RBBP6: variants seen among roughly 807,000 people sequenced by gnomAD.
RBBP6 encodes the protein E3 ubiquitin-protein ligase RBBP6.
In RBBP6, 25 loss-of-function variants were observed where a neutral mutation model predicts 167.7. The observed-to-expected ratio is 0.15, with a 90% CI of 0.11 to 0.21. RBBP6 has a LOEUF of 0.21. Ranked by LOEUF, RBBP6 falls within the 10% of genes least tolerant of loss-of-function variation. The pLI is 1.00. For missense variants in RBBP6, 1,868 were observed against 2,134.2 expected (o/e 0.88, Z 2.46); for synonymous variants, 789 against 735.8 (o/e 1.07, Z -1.17).
At chr16:24,546,136 A>C in intron 1 of RBBP6, 27 bp from the exon 2 acceptor site, 1 of 1,554,154 alleles carries the variant, frequency 6.4e-7, no homozygotes, top group South Asian at 1.2e-5. Context: ...CCCAAATGGA[A>C]ATTCAATTCT....
Position 24,572,367 on chromosome 16 carries a change from A to G in RBBP6, c.5301A>G (p.Lys1767=), listed in dbSNP as rs73560588. ...LEKSQKHKHK[K]KKSKKNKDKE... ...AAAGCCAAAAACACAAACACAAGAA[A>G]AAGAAGTCAAAGAAGAACAAAGATA... The change falls in exon 18 of 18, where the codon AAA becomes AAG. Residue 1767 remains lysine, a synonymous_variant. Transcript: ENST00000319715. The G allele has an allele frequency of 2.1e-4, 321 of 1,550,458 alleles. 1 individual carries two copies. The African/African-American group carries it at 4.0e-3, about 19-fold the overall frequency.
intron 4 of RBBP6, chr16:24,554,410 A>G (rs1441644538): frequency 1.3e-5 from 2 of 152,032 alleles, no homozygotes; most frequent in African/African-American, 2.4e-5. Context: ...TTTAGCAACC[A>G]AGATTAATGA....
rs552718319 is a variant in RBBP6, at chr16:24,571,468, A to T, written c.4402A>T (p.Thr1468Ser). ...TCGTGCTTCCTCAAATAAAGACTTC[A>T]CTCCCAATAGAGACAAAAAAACTGA... ...STRASSNKDF[T>S]PNRDKKTDYD... Residue 1468 changes from threonine (T) to serine (S), a missense_variant, in exon 18 of 18, where the codon ACT (threonine) becomes TCT (serine). By Grantham distance (58) the Thr-to-Ser change is moderately conservative. This residue lies in a region of RBBP6 where 591 missense variants were observed against 540.5 expected (regional missense o/e 1.09). Coordinates refer to ENST00000319715, the MANE Select transcript of RBBP6 (RefSeq NM_006910.5). 4 of 1,612,872 alleles carry T rather than the reference A, an allele frequency of 2.5e-6. No individual in the cohort carries two copies. The East Asian group carries it at 6.7e-5, about 27-fold the overall frequency.
intron 14 of RBBP6, among the ~76,000 whole-genome samples, chr16:24,565,758 C>T (rs1899180730): frequency 6.6e-6 from 1 of 152,174 alleles, no homozygotes; most frequent in African/African-American, 2.4e-5. Flanking sequence ...GATAAAGGAG[C>T]CTCCAAAACT....
At chr16:24,552,302 G>A (rs188528292) in intron 3 of RBBP6, among the ~76,000 whole-genome samples, 162 of 151,910 alleles carry the variant, frequency 1.1e-3, no homozygotes, top group Non-Finnish European at 8.9e-4. Context: ...GGTTACATTT[G>A]TCTTTGGGGC....
At chr16:24,561,369 G>A (rs569828026) in intron 8 of RBBP6, among the ~76,000 whole-genome samples, 1 of 152,248 alleles carries the variant, frequency 6.6e-6, no homozygotes, top group Admixed American at 6.5e-5. Context: ...GGGATTACAG[G>A]CACATGCCAG....
Position 24,572,292 on chromosome 16 carries a change from AAAGCATAAG to A in RBBP6, c.5238_5246del (p.Lys1748_His1750del), listed in dbSNP as rs1244990778. 6 of 1,595,610 alleles carry A rather than the reference AAAGCATAAG, an allele frequency of 3.8e-6. No homozygotes were observed. In the Admixed American group the frequency reaches 5.4e-5, roughly 14 times the overall value. On this transcript the variant is annotated inframe_deletion, in exon 18 of 18. Transcript: ENST00000319715. ...AAAAGAAAAAACACAAGAAACATAAAAAGCATAAGAAGCATAAGAAACATGCAGGCACTG... is the reference window on the plus strand; with the variant it reads ...AAAAGAAAAAACACAAGAAACATAAAAAGCATAAGAAACATGCAGGCACTG...
At chr16:24,555,511 G>C (rs1898892082) in intron 4 of RBBP6, 104 bp from the exon 5 acceptor site, 4 of 857,564 alleles carry the variant, frequency 4.7e-6, no homozygotes, top group Non-Finnish European at 7.4e-6. Context: ...TTTTATGCAA[G>C]ATTAGTTAGA....
At chr16:24,561,750 T>C (rs542381157) in intron 9 of RBBP6, 35 bp downstream of exon 9, 1 of 1,608,944 alleles carries the variant, frequency 6.2e-7, no homozygotes, top group South Asian at 1.1e-5. Flanking sequence ...AAAAAATTCT[T>C]TTTAACTGAT....
intron 15 of RBBP6, 88 bp from the exon 16 acceptor site, chr16:24,567,695 AATTTCATTC>A (rs1194460431): frequency 7.0e-6 from 9 of 1,290,818 alleles, no homozygotes; most frequent in Admixed American, 6.9e-5. Context: ...AACTAATGGC[AATTTCATTC>A]ATTTCATTCA....
chr16:24,564,818 G>C lies in RBBP6; in HGVS notation c.1542G>C (p.Leu514=). The C allele has an allele frequency of 3.7e-6, 6 of 1,612,150 alleles. No individual in the cohort carries two copies. The highest frequency in any genetic ancestry group is 5.1e-6 in the Non-Finnish European group (6 of 1,178,824). The stretch of plus-strand genomic sequence containing the variant: ...ACAGTTCCAACAAACTTGGCTATCT[G>C]GTTTCTCCACCACAACAAATTAGAA... ...GWEHSNKLGY[L]VSPPQQIRRG... Residue 514 remains leucine (L), a synonymous_variant, in exon 14 of 18, where the codon CTG becomes CTC. Transcript: ENST00000319715.
At chr16:24,570,815 AGT>A (rs1899308413) in intron 17 of RBBP6, 59 bp from the exon 18 acceptor site, 1 of 1,225,164 alleles carries the variant, frequency 8.2e-7, no homozygotes, top group Non-Finnish European at 1.1e-6. Context: ...TATATTTATC[AGT>A]GTTTTATAAT....
At position 24,571,381 on chromosome 16, in the gene RBBP6, A is replaced by C; in HGVS notation, c.4315A>C (p.Asn1439His). Residue 1439 changes from asparagine to histidine, a missense_variant, in exon 18 of 18, where the codon AAT becomes CAT. This residue lies in a region of RBBP6 where 591 missense variants were observed against 540.5 expected (regional missense o/e 1.09). Transcript: ENST00000319715. ...SNLDRLNEQG[N>H]FKSLSQSSKE... ...TTTGGACCGTCTGAATGAACAAGGAAATTTTAAAAGTCTGTCTCAATCTTC... is the reference window on the plus strand; with the variant it reads ...TTTGGACCGTCTGAATGAACAAGGACATTTTAAAAGTCTGTCTCAATCTTC... 1 of 1,614,042 alleles carries C rather than the reference A, an allele frequency of 6.2e-7. No homozygotes were observed. Among genetic ancestry groups the C allele is most frequent in the Non-Finnish European group, 8.5e-7 (1 of 1,180,006 alleles).
intron 16 of RBBP6, among the ~76,000 whole-genome samples, chr16:24,568,137 A>G (rs1318718232): frequency 2.6e-5 from 4 of 152,242 alleles, no homozygotes; most frequent in Non-Finnish European, 5.9e-5. Context: ...AGTTATTCAT[A>G]GTATCAAATA....
In RBBP6 at chr16:24,539,646, C is replaced by T. The variant is rs1157267398; in HGVS notation, c.-981C>T. ...GGTGTCGCCGCCGCTCGGTGAGAGC[C>T]CCCGAGCGGCAGGGGGCCAACACAA... On this transcript the variant is annotated 5_prime_UTR_variant, in exon 1 of 18. Transcript: ENST00000319715. The T allele has an allele frequency of 1.3e-5, 2 of 152,192 alleles. No homozygotes were observed. The highest frequency in any genetic ancestry group is 2.1e-4 in the South Asian group (1 of 4,834). 9.4% of individuals were successfully genotyped at this position (152,192 alleles called of 1,614,324 possible). A position where few individuals can be genotyped will look rare whatever the true frequency, so the allele number is the denominator to read the frequency against.
intron 15 of RBBP6, 91 bp from the exon 16 acceptor site, chr16:24,567,701 A>C: frequency 1.5e-6 from 2 of 1,298,256 alleles, no homozygotes; most frequent in Non-Finnish European, 2.2e-6. Flanking sequence ...TGGCAATTTC[A>C]TTCATTTCAT....
intron 1 of RBBP6, among the ~76,000 whole-genome samples, chr16:24,544,783 A>T (rs1898595395): frequency 6.6e-6 from 1 of 152,236 alleles, no homozygotes; most frequent in East Asian, 1.9e-4. Flanking sequence ...TAAAAATAGG[A>T]TCCATTCTTC....
In RBBP6 at chr16:24,569,012, A is replaced by G. The variant is rs1345544483; in HGVS notation, c.2322A>G (p.Gln774=). ...ATCATTCACGATCAAGATCTCCTCA[A>G]GCGTTTAGGGGACAGTCTCCTAATA... ...RRYHSRSRSP[Q]AFRGQSPNKR... is the part of the protein sequence containing the mutation. The change falls in exon 17 of 18, where the codon CAA becomes CAG. Residue 774 remains glutamine (Q), a synonymous_variant. Coordinates refer to ENST00000319715, the MANE Select transcript of RBBP6 (RefSeq NM_006910.5). 3.1e-6 allele frequency: 5 copies of G among 1,614,080 alleles called. No homozygotes were observed. The highest frequency in any genetic ancestry group is 4.2e-6 in the Non-Finnish European group (5 of 1,180,032).
In RBBP6 at chr16:24,572,154, C is replaced by T. The variant is rs1185213774; in HGVS notation, c.5088C>T (p.Pro1696=). The T allele has an allele frequency of 2.5e-6, 4 of 1,613,678 alleles. No homozygotes were observed. Among genetic ancestry groups the T allele is most frequent in the Non-Finnish European group, 3.4e-6 (4 of 1,179,726 alleles). ...GISRNQSHSS[P]SVSPSRSHSP... ...GCAGGAATCAGAGCCACAGCAGCCC[C>T]AGCGTCAGCCCCAGCAGAAGCCACA... is the stretch of plus-strand genomic sequence containing the variant. Residue 1696 remains proline, a synonymous_variant, in exon 18 of 18, where the codon CCC becomes CCT. Transcript: ENST00000319715.
Sources: gnomAD v4.1 joint callset for allele counts (sites outside exome capture counted in the v4.1 genomes callset) on GRCh38, gnomAD v4.1.1 for gene constraint, gnomAD v4.1.1 regional missense constraint, MANE v1.5 for transcripts, NCBI Gene and HGNC (gene_info 2026-07-23, HGNC 2026-07-21) for gene names.